The following ERCC3 variants were observed in gnomAD, a reference collection of about 807,000 sequenced individuals.
ERCC3 encodes general transcription and DNA repair factor IIH helicase/translocase subunit XPB.
A neutral mutation model predicts 94.2 loss-of-function variants in ERCC3; 66 were observed. The ratio of observed to expected loss-of-function variants is 0.70; its 90% CI spans 0.57 to 0.86. The LOEUF (loss-of-function observed/expected upper bound fraction) is 0.86. Among genes scored for constraint, ERCC3 ranks in the 40% least tolerant of loss-of-function variants. The pLI is 0.00. For missense variants in ERCC3, 829 were observed against 987.1 expected (o/e 0.84, Z 2.15); for synonymous variants, 349 against 369.1 (o/e 0.95, Z 0.63).
chr2:127,286,127 G>C lies in ERCC3; in HGVS notation c.1342+576C>G, dbSNP rs941047920. On this transcript the variant is annotated intron_variant, in intron 8 of 14. Transcript: ENST00000285398. ...CAGTGCTCCTAACCCAGTTTTTAGA[G>C]GGCCATTAAAAAACGGATGAAGCTG... 5.3e-5 allele frequency among the ~76,000 whole-genome samples: 8 copies of C among 152,210 alleles called. No homozygotes were observed. The East Asian group carries it at 1.5e-3, about 29-fold the overall frequency.
At chr2:127,266,436 C>T (rs1283054981) in intron 12 of ERCC3, among the ~76,000 whole-genome samples, 4 of 147,108 alleles carry the variant, frequency 2.7e-5, no homozygotes, top group African/African-American at 2.5e-5. Context: ...CCCAGGTTCA[C>T]GCCATTCTCC....
At chr2:127,267,941 A>G (rs1423312523) in intron 12 of ERCC3, among the ~76,000 whole-genome samples, 1 of 151,574 alleles carries the variant, frequency 6.6e-6, no homozygotes, top group Non-Finnish European at 1.5e-5. Flanking sequence ...GGGTCTCACT[A>G]TGGTTTTTTG....
chr2:127,269,764 C>T (rs1185866918), intron 12 of ERCC3, among the ~76,000 whole-genome samples: 2 of 150,310 alleles, frequency 1.3e-5, no homozygotes, highest in African/African-American at 2.4e-5. Flanking sequence ...GGCACAGTGG[C>T]TCACACCTGT....
chr2:127,264,347 T>C lies in ERCC3; in HGVS notation c.1946-3001A>G, dbSNP rs1684287618. Among the ~76,000 whole-genome samples, 1 of 152,100 alleles carries C rather than the reference T, an allele frequency of 6.6e-6. No individual in the cohort carries two copies. Among genetic ancestry groups the C allele is most frequent in the Non-Finnish European group, 1.5e-5 (1 of 68,024 alleles). On this transcript the variant is annotated intron_variant, in intron 12 of 14. Transcript: ENST00000285398. The surrounding 1 kb of genome is among the most constrained non-coding windows in gnomAD (Gnocchi z 4.4). ...TGGGCATGGTGGTGCGTGCCTGTAG[T>C]CCCAGCTACTTGGGAGGCTGAGGCA...
At chr2:127,273,185 T>C (rs1321399472) in intron 10 of ERCC3, among the ~76,000 whole-genome samples, 1 of 152,188 alleles carries the variant, frequency 6.6e-6, no homozygotes, top group African/African-American at 2.4e-5. Context: ...ATTCCCTCCT[T>C]TCCATTTTTC....
intron 8 of ERCC3, chr2:127,281,047 G>T: frequency 2.3e-6 from 1 of 430,882 alleles, no homozygotes; most frequent in Admixed American, 3.8e-5. Context: ...ATGAATCCCA[G>T]CATTCCCCTC....
rs2104760907 is a variant in ERCC3 at position 127,279,869 on chromosome 2, G to A, written c.1528-494C>T. On this transcript the variant is annotated intron_variant, in intron 9 of 14. Coordinates refer to ENST00000285398, the MANE Select transcript of ERCC3 (RefSeq NM_000122.2). This position sits in a 1 kb window ranked among gnomAD's most constrained non-coding sequence, Gnocchi z 4.7. ...CCTATTGAACTGGACGTTTTCACAT[G>A]TTAACCACTTAAAAGATTTTTAAAT... 6.6e-6 allele frequency among the ~76,000 whole-genome samples: 1 copy of A among 152,324 alleles called. No individual in the cohort carries two copies. Among genetic ancestry groups the A allele is most frequent in the East Asian group, 1.9e-4 (1 of 5,186 alleles).
In ERCC3 at chr2:127,280,432, C is replaced by A; in HGVS notation, c.1527+15G>T. 1 of 1,606,462 alleles carries A rather than the reference C, an allele frequency of 6.2e-7. No individual in the cohort carries two copies. Among genetic ancestry groups the A allele is most frequent in the Non-Finnish European group, 8.5e-7 (1 of 1,176,598 alleles). On this transcript the variant is annotated intron_variant, in intron 9 of 14. Transcript: ENST00000285398. This position sits in a 1 kb window ranked among gnomAD's most constrained non-coding sequence, Gnocchi z 6.3. ...GAGGCCCTTTCCCAGACGCCCCCAG[C>A]CCAGGCCCAGCTACCTCAGCACACT... is the stretch of plus-strand genomic sequence containing the variant.
In ERCC3 at chr2:127,289,796, C is replaced by T. The variant is rs140572401; in HGVS notation, c.550G>A (p.Val184Ile). ...GGGTCCTGGAGAAGATGCTGGATTA[C>T]ATCAGGGTGGCAACTTTCAACGAAG... ...RYFVESCHPD[V>I]IQHLLQDPVI... is the part of the protein sequence containing the mutation. The change falls in exon 5 of 15, where the codon GTA becomes ATA. Residue 184 changes from valine to isoleucine, a missense_variant. Coordinates refer to ENST00000285398, the MANE Select transcript of ERCC3 (RefSeq NM_000122.2). The T allele has an allele frequency of 7.4e-6, 12 of 1,614,014 alleles. No individual in the cohort carries two copies. In the African/African-American group the frequency reaches 1.5e-4, roughly 20 times the overall value.
At chr2:127,273,856 C>T (rs1684648756) in intron 10 of ERCC3, among the ~76,000 whole-genome samples, 2 of 151,332 alleles carry the variant, frequency 1.3e-5, no homozygotes, top group Admixed American at 1.3e-4. Flanking sequence ...GAATGTCACA[C>T]TCCTTCCCTC....
In ERCC3 at chr2:127,261,088, A is replaced by G; in HGVS notation, c.2064+140T>C. On this transcript the variant is annotated intron_variant, in intron 13 of 14. Coordinates refer to ENST00000285398, the MANE Select transcript of ERCC3 (RefSeq NM_000122.2). Reference sequence around the variant, plus strand: ...GCTGCCCTCAGAGATTCATGCAGAGATAAAGGGAGTTTGAGGCAAGGCCTC... The same window carrying G: ...GCTGCCCTCAGAGATTCATGCAGAGGTAAAGGGAGTTTGAGGCAAGGCCTC... 5.6e-6 allele frequency: 4 copies of G among 716,836 alleles called. No homozygotes were observed. In the South Asian group the frequency reaches 5.9e-5, roughly 11 times the overall value. 44.4% of individuals were successfully genotyped at this position (716,836 alleles called of 1,614,324 possible). A position where few individuals can be genotyped will look rare whatever the true frequency, so the allele number is the denominator to read the frequency against.
intron 12 of ERCC3, among the ~76,000 whole-genome samples, chr2:127,268,244 G>A (rs1235098591): frequency 9.2e-5 from 14 of 151,996 alleles, no homozygotes; most frequent in Admixed American, 6.6e-5. Context: ...GTGAGCCACC[G>A]CGCCTGGCCT....
Position 127,257,503 on chromosome 2 carries a change from G to A in ERCC3, c.*93C>T. 1 of 1,544,334 alleles carries A rather than the reference G, an allele frequency of 6.5e-7. No homozygotes were observed. Among genetic ancestry groups the A allele is most frequent in the South Asian group, 1.1e-5 (1 of 89,082 alleles). On this transcript the variant is annotated 3_prime_UTR_variant, in exon 15 of 15. Transcript: ENST00000285398. This position sits in a 1 kb window ranked among gnomAD's most constrained non-coding sequence, Gnocchi z 5.4. ...ACAATTTGGCCAACGCTGGAGGGAA[G>A]GTCAAAGAGGTGGAAGGAAAATGTT...
intron 6 of ERCC3, 101 bp from the exon 7 acceptor site, chr2:127,288,965 T>A: frequency 2.9e-6 from 3 of 1,019,908 alleles, no homozygotes; most frequent in Non-Finnish European, 4.7e-6. Context: ...GCATTCTATC[T>A]AAACTTCTAC....
In ERCC3 at chr2:127,266,327, T is replaced by C. The variant is rs1018229760; in HGVS notation, c.1946-4981A>G. Among the ~76,000 whole-genome samples, 8 of 134,634 alleles carry C rather than the reference T, an allele frequency of 5.9e-5. 1 individual carries two copies. Among genetic ancestry groups the C allele is most frequent in the South Asian group, 2.2e-4 (1 of 4,512 alleles). 88.3% of individuals were successfully genotyped at this position (134,634 alleles called of 152,430 possible). On this transcript the variant is annotated intron_variant, in intron 12 of 14. Coordinates refer to ENST00000285398, the MANE Select transcript of ERCC3 (RefSeq NM_000122.2). ...TATGATTTCGACTTTTTTGAATTTA[T>C]TGAGTCTTTTTTTTTTTTTTTTTTT...
intron 7 of ERCC3, among the ~76,000 whole-genome samples, chr2:127,287,353 C>T (rs925500810): frequency 8.5e-5 from 13 of 152,162 alleles, no homozygotes; most frequent in African/African-American, 2.4e-4. Context: ...GCTGAGCCAC[C>T]ATGCCACGGT....
chr2:127,292,399 C>T (rs117911081), intron 3 of ERCC3: 19 of 632,954 alleles, frequency 3.0e-5, no homozygotes, highest in Non-Finnish European at 4.6e-5. Context: ...ATGCTGGATC[C>T]AGAGTGTAGC....
At chr2:127,260,441 T>G (rs1248424189) in intron 13 of ERCC3, 1 of 152,176 alleles carries the variant, frequency 6.6e-6, no homozygotes, top group African/African-American at 2.4e-5. Flanking sequence ...AAAACTGGGC[T>G]CAAAACCCAA....
Position 127,272,873 on chromosome 2 carries a change from T to A in ERCC3, c.1819A>T (p.Ile607Leu). 1 of 1,611,446 alleles carries A rather than the reference T, an allele frequency of 6.2e-7. No individual in the cohort carries two copies. Among genetic ancestry groups the A allele is most frequent in the East Asian group, 2.2e-5 (1 of 44,864 alleles). The change falls in exon 11 of 15, where the codon ATA becomes TTA. Residue 607 changes from isoleucine (I) to leucine (L), a missense_variant. Coordinates refer to ENST00000285398, the MANE Select transcript of ERCC3 (RefSeq NM_000122.2). ...KHNPKINTIF[I>L]SKVGDTSFDL... ...CCATATGCCACACAAACCTTGGATA[T>A]GAAGATGGTGTTAATTTTGGGGTTG...
Sources: gnomAD v4.1 joint callset for allele counts (sites outside exome capture counted in the v4.1 genomes callset) on GRCh38, gnomAD v4.1.1 for gene constraint, Gnocchi (gnomAD v3.1) non-coding constraint, MANE v1.5 for transcripts, NCBI Gene and HGNC (gene_info 2026-07-23, HGNC 2026-07-21) for gene names.